SLC24A3: variants seen among roughly 807,000 people sequenced by gnomAD.
SLC24A3 encodes solute carrier family 24 member 3.
Under a neutral mutation model 75.8 loss-of-function variants are expected in SLC24A3, and 28 were observed. That is an observed-to-expected ratio of 0.37 (90% confidence interval 0.27 to 0.51). SLC24A3 has a LOEUF of 0.51. Ranked by LOEUF, SLC24A3 falls within the 20% of genes least tolerant of loss-of-function variation. The pLI is 0.94. For missense variants in SLC24A3, 663 were observed against 847.8 expected (o/e 0.78, Z 2.71); for synonymous variants, 372 against 334.1 (o/e 1.11, Z -1.24).
Position 19,507,541 on chromosome 20 carries a change from T to C in SLC24A3, c.272-7947T>C, listed in dbSNP as rs180699246. The stretch of plus-strand genomic sequence containing the variant: ...ATGGGAGATGCACATTGCATCCTGA[T>C]GTACCTTTCAAGAAATGCTGAGACA... On this transcript the variant is annotated intron_variant, in intron 2 of 16. Transcript: ENST00000328041. 6.1e-3 allele frequency among the ~76,000 whole-genome samples: 927 copies of C among 152,378 alleles called. 5 individuals are homozygous for C. Among genetic ancestry groups the C allele is most frequent in the Non-Finnish European group, 8.3e-3 (567 of 68,038 alleles).
intron 2 of SLC24A3, among the ~76,000 whole-genome samples, chr20:19,400,738 C>A (rs1986537357): frequency 6.6e-6 from 1 of 152,172 alleles, no homozygotes; most frequent in Non-Finnish European, 1.5e-5. Flanking sequence ...TGTTTCCCTC[C>A]CCATGCTGCA....
intron 1 of SLC24A3, among the ~76,000 whole-genome samples, chr20:19,226,867 C>T (rs1034208224): frequency 6.6e-6 from 1 of 152,156 alleles, no homozygotes; most frequent in Non-Finnish European, 1.5e-5. Flanking sequence ...TTGATTATGT[C>T]ATAACTTATT....
intron 2 of SLC24A3, among the ~76,000 whole-genome samples, chr20:19,346,757 T>C (rs1451169565): frequency 6.6e-6 from 1 of 152,220 alleles, no homozygotes; most frequent in Non-Finnish European, 1.5e-5. Context: ...GCTCGGGTGA[T>C]GGGTGCACAG....
intron 3 of SLC24A3, among the ~76,000 whole-genome samples, chr20:19,573,125 A>G (rs1410996645): frequency 6.6e-6 from 1 of 152,214 alleles, no homozygotes; most frequent in Non-Finnish European, 1.5e-5. Context: ...ATGATGTAGT[A>G]AAAAGAAATT....
intron 3 of SLC24A3, among the ~76,000 whole-genome samples, chr20:19,549,962 C>A (rs1600276542): frequency 1.3e-5 from 2 of 152,268 alleles, no homozygotes; most frequent in East Asian, 1.9e-4. Context: ...ACTACATAAC[C>A]TTCCAAAACC....
rs78820825 is a variant in SLC24A3 at position 19,392,676 on chromosome 20, A to G, written c.271+111589A>G. On this transcript the variant is annotated intron_variant, in intron 2 of 16. Coordinates refer to ENST00000328041, the MANE Select transcript of SLC24A3 (RefSeq NM_020689.4). ...TTGATGATCTCCTGTTTGCCAGGCA[A>G]TGGTCCTCCTGTTACCCTAGCTGGA... is the stretch of plus-strand genomic sequence containing the variant. Among the ~76,000 whole-genome samples, 22 of 152,332 alleles carry G rather than the reference A, an allele frequency of 1.4e-4. No homozygotes were observed. The East Asian group carries it at 2.7e-3, about 19-fold the overall frequency.
In SLC24A3 at chr20:19,707,545, A is replaced by T. The variant is rs537102373; in HGVS notation, c.1719+8865A>T. On this transcript the variant is annotated intron_variant, in intron 15 of 16. Transcript: ENST00000328041. ...GGCATGATTCACTTTACATTTTAAG[A>T]TTACACTGGATGCTCTTTCTAAATG... Among the ~76,000 whole-genome samples, 8 of 152,344 alleles carry T rather than the reference A, an allele frequency of 5.3e-5. No homozygotes were observed. In the South Asian group the frequency reaches 1.7e-3, roughly 32 times the overall value.
At chr20:19,224,389 G>A (rs1981820025) in intron 1 of SLC24A3, among the ~76,000 whole-genome samples, 1 of 152,116 alleles carries the variant, frequency 6.6e-6, no homozygotes, top group Admixed American at 6.5e-5. Flanking sequence ...TCTACACAAA[G>A]GATTTCTTGC....
At chr20:19,405,521 C>T (rs1395176936) in intron 2 of SLC24A3, among the ~76,000 whole-genome samples, 1 of 152,188 alleles carries the variant, frequency 6.6e-6, no homozygotes, top group Admixed American at 6.5e-5. Flanking sequence ...ACTTAGTACC[C>T]TGGCCACATG....
At position 19,700,720 on chromosome 20, in the gene SLC24A3, A is replaced by G. The variant is rs140664979; in HGVS notation, c.1719+2040A>G. Reference sequence around the variant, plus strand: ...TACATTGCTTTTTATACTTCCTGTTATATCAAACGTTTTTTCCTCAAAATC... The same window carrying G: ...TACATTGCTTTTTATACTTCCTGTTGTATCAAACGTTTTTTCCTCAAAATC... On this transcript the variant is annotated intron_variant, in intron 15 of 16. Transcript: ENST00000328041. 1.3e-3 allele frequency among the ~76,000 whole-genome samples: 196 copies of G among 152,324 alleles called. 1 individual carries two copies. Among genetic ancestry groups the G allele is most frequent in the African/African-American group, 4.4e-3 (182 of 41,562 alleles).
chr20:19,577,729 T>C (rs574857463), intron 3 of SLC24A3, among the ~76,000 whole-genome samples: 3 of 152,252 alleles, frequency 2.0e-5, no homozygotes, highest in Non-Finnish European at 4.4e-5. Context: ...GACATTGTAA[T>C]GCTGTTTTTC....
At chr20:19,701,354 T>A (rs2032870091) in intron 15 of SLC24A3, among the ~76,000 whole-genome samples, 1 of 74,598 alleles carries the variant, frequency 1.3e-5, no homozygotes, top group South Asian at 7.3e-4. Flanking sequence ...AACATATTTT[T>A]ATTAAAAAAA....
intron 2 of SLC24A3, among the ~76,000 whole-genome samples, chr20:19,447,620 A>G (rs1987409681): frequency 1.3e-5 from 2 of 152,362 alleles, no homozygotes; most frequent in Admixed American, 1.3e-4. Context: ...CAGGTTTACC[A>G]TCATTGGAAG....
intron 2 of SLC24A3, among the ~76,000 whole-genome samples, chr20:19,392,520 C>T (rs1376111631): frequency 6.6e-6 from 1 of 152,182 alleles, no homozygotes; most frequent in Non-Finnish European, 1.5e-5. Context: ...GTGGCTTCTT[C>T]AGCTGTTTGT....
intron 2 of SLC24A3, among the ~76,000 whole-genome samples, chr20:19,382,166 C>T (rs1374118957): frequency 9.2e-5 from 14 of 152,212 alleles, no homozygotes. Context: ...TGATTCACTA[C>T]ACATGAATAA....
intron 6 of SLC24A3, among the ~76,000 whole-genome samples, chr20:19,595,723 G>A (rs1600295601): frequency 1.3e-5 from 2 of 152,226 alleles, no homozygotes; most frequent in Admixed American, 6.5e-5. Context: ...CACAGGCAAG[G>A]AGCATCTGAA....
At chr20:19,265,260 C>A (rs1286631617) in intron 1 of SLC24A3, among the ~76,000 whole-genome samples, 3 of 152,210 alleles carry the variant, frequency 2.0e-5, no homozygotes, top group Non-Finnish European at 2.9e-5. Context: ...CCCCTTGTAG[C>A]TTGTACTTGA....
intron 3 of SLC24A3, among the ~76,000 whole-genome samples, chr20:19,518,654 A>G (rs649976): frequency 0.57 from 85,993 of 152,134 alleles, 25,214 homozygotes; most frequent in African/African-American, 0.71. Flanking sequence ...GGAGAGACTG[A>G]CAGGACCTCA....
chr20:19,563,946 G>A, intron 3 of SLC24A3, among the ~76,000 whole-genome samples: 1 of 152,154 alleles, frequency 6.6e-6, no homozygotes, highest in East Asian at 1.9e-4. Context: ...CAACCTTGAA[G>A]TGAAGAGCTC....
Sources: allele counts gnomAD v4.1 joint callset (sites outside exome capture counted in the v4.1 genomes callset), GRCh38; gene constraint gnomAD v4.1.1; transcripts MANE v1.5; gene names NCBI Gene and HGNC (gene_info 2026-07-23, HGNC 2026-07-21).